Variants in PLA2G4E observed in about 807,000 individuals in gnomAD.
PLA2G4E encodes cytosolic phospholipase A2 epsilon.
PLA2G4E carries 84 observed loss-of-function variants against 109.1 expected under a neutral mutation model. The ratio of observed to expected loss-of-function variants is 0.77; its 90% CI spans 0.65 to 0.92. The LOEUF is 0.92. Ranked by LOEUF, PLA2G4E falls within the 40% of genes least tolerant of loss-of-function variation. The pLI is 0.00. For missense variants in PLA2G4E, 1,057 were observed against 1,076.6 expected, an observed-to-expected ratio of 0.98 and a Z score of 0.25; for synonymous variants, 469 against 436.1, an observed-to-expected ratio of 1.08 and a Z score of -0.94.
At chr15:42,032,440 G>A (rs765770817) in intron 1 of PLA2G4E, among the ~76,000 whole-genome samples, 1 of 152,240 alleles carries the variant, frequency 6.6e-6, no homozygotes, top group Non-Finnish European at 1.5e-5. Flanking sequence ...AGGGGCATGA[G>A]CAGGAGATGC....
At chr15:42,036,160 G>A (rs1384091446) in intron 1 of PLA2G4E, among the ~76,000 whole-genome samples, 4 of 152,204 alleles carry the variant, frequency 2.6e-5, no homozygotes, top group Admixed American at 2.0e-4. Context: ...CATCTGGAGC[G>A]GCCGCTGCCA....
At chr15:41,997,196 C>G (rs1222409613) in exon 11 of PLA2G4E, 1 of 1,555,332 alleles carries the variant, frequency 6.4e-7, no homozygotes, top group Admixed American at 1.9e-5. Context: ...CCTTCCGCTT[C>G]TGCAGAAACT....
intron 1 of PLA2G4E, among the ~76,000 whole-genome samples, chr15:42,027,543 CT>C (rs1415267422): frequency 6.6e-6 from 1 of 152,192 alleles, no homozygotes; most frequent in Non-Finnish European, 1.5e-5. Flanking sequence ...CTACTTTTGC[CT>C]TCCTATAAGC....
intron 12 of PLA2G4E, among the ~76,000 whole-genome samples, chr15:41,993,634 C>T (rs1201889238): frequency 2.0e-5 from 3 of 152,114 alleles, no homozygotes; most frequent in Non-Finnish European, 4.4e-5. Flanking sequence ...CTCTTCTTGG[C>T]CTGGATCCAG....
exon 19 of PLA2G4E, chr15:41,984,502 G>A: frequency 6.2e-7 from 1 of 1,613,986 alleles, no homozygotes; most frequent in East Asian, 2.2e-5. Flanking sequence ...GGGGCATCGG[G>A]TTCCTGGGGG....
intron 1 of PLA2G4E, among the ~76,000 whole-genome samples, chr15:42,017,230 C>T (rs2068603944): frequency 6.6e-6 from 1 of 152,172 alleles, no homozygotes; most frequent in Admixed American, 6.5e-5. Flanking sequence ...TGCCTGTGGC[C>T]CAGCCTGCCT....
At chr15:42,027,801 T>C (rs2068705140) in intron 1 of PLA2G4E, among the ~76,000 whole-genome samples, 1 of 150,486 alleles carries the variant, frequency 6.6e-6, no homozygotes, top group South Asian at 2.1e-4. Flanking sequence ...CCGCACTCTG[T>C]TTATAGCTGC....
chr15:42,015,930 A>C (rs1279393948), intron 1 of PLA2G4E, among the ~76,000 whole-genome samples: 4 of 152,102 alleles, frequency 2.6e-5, no homozygotes, highest in Non-Finnish European at 5.9e-5. Flanking sequence ...GGAACTCATG[A>C]CTTGAAGCCC....
At chr15:41,989,685 A>T in intron 14 of PLA2G4E, 133 bp from the exon 15 acceptor site, 1 of 1,240,700 alleles carries the variant, frequency 8.1e-7, no homozygotes, top group Non-Finnish European at 1.1e-6. Flanking sequence ...AGTTCCCCCA[A>T]AGGACACATG....
chr15:42,009,567 C>T (rs750348972), intron 2 of PLA2G4E, among the ~76,000 whole-genome samples: 6 of 152,192 alleles, frequency 3.9e-5, no homozygotes, highest in Non-Finnish European at 7.4e-5. Flanking sequence ...AGTGGCTGAC[C>T]CTGCTCACTT....
chr15:42,028,373 T>G (rs2068710574), intron 1 of PLA2G4E, among the ~76,000 whole-genome samples: 1 of 111,808 alleles, frequency 8.9e-6, no homozygotes, highest in African/African-American at 2.9e-5. Context: ...TTTATTTTAT[T>G]TATTTATTTA....
At chr15:41,988,215 A>T in intron 15 of PLA2G4E, 59 bp from the exon 16 acceptor site, 1 of 1,284,756 alleles carries the variant, frequency 7.8e-7, no homozygotes, top group South Asian at 1.3e-5. Context: ...CCACACTGAC[A>T]TTTGATTCCC....
In PLA2G4E at chr15:41,999,927, G is replaced by A. The variant is rs1239491067; in HGVS notation, c.926C>T (p.Thr309Ile). 2 of 1,609,632 alleles carry A rather than the reference G, an allele frequency of 1.2e-6. No homozygotes were observed. The highest frequency in any genetic ancestry group is 1.3e-5 in the African/African-American group (1 of 74,828). Residue 309 changes from threonine (T) to isoleucine (I), a missense_variant, in exon 9 of 20, where the codon ACC becomes ATC. Transcript: ENST00000399518. ...GACTCAGGCACTCACCACAGGCAGG[G>A]TCATCACCTGACCATCGGAAAGGCA...
At chr15:41,983,076 C>T (rs757566298) in exon 20 of PLA2G4E, 1 of 152,344 alleles carries the variant, frequency 6.6e-6, no homozygotes, top group African/African-American at 2.4e-5. Flanking sequence ...CACCTGAGGT[C>T]AGGAGTTCCA....
chr15:42,008,443 AGCCAG>A, intron 2 of PLA2G4E, among the ~76,000 whole-genome samples: 1 of 152,334 alleles, frequency 6.6e-6, no homozygotes, highest in East Asian at 1.9e-4. Flanking sequence ...CACTGCATCC[AGCCAG>A]GCTCTTCTTA....
intron 1 of PLA2G4E, among the ~76,000 whole-genome samples, chr15:42,042,784 A>G (rs1023883259): frequency 1.3e-5 from 2 of 152,178 alleles, no homozygotes; most frequent in Non-Finnish European, 2.9e-5. Context: ...TGGGTGAAAC[A>G]TCCACTCATT....
At chr15:41,984,565 A>G (rs759676205) in exon 19 of PLA2G4E, 5 of 1,613,870 alleles carry the variant, frequency 3.1e-6, no homozygotes, top group Non-Finnish European at 4.2e-6. Context: ...GGCAGCTCGT[A>G]TTTGGGGAAG....
At chr15:42,017,676 C>T (rs1250373196) in intron 1 of PLA2G4E, among the ~76,000 whole-genome samples, 1 of 152,130 alleles carries the variant, frequency 6.6e-6, no homozygotes, top group African/African-American at 2.4e-5. Context: ...TCTCCTCTTC[C>T]TTGCTTTTCT....
rs1595566491 is a variant in PLA2G4E at position 42,006,221 on chromosome 15, G to C, written c.394-100C>G. ...TCTGTCCTAGCAAGGAGGTAGGTCT[G>C]GGGGATGGGAGACAGCCCAGAAGTC... On this transcript the variant is annotated intron_variant, in intron 3 of 19. Transcript: ENST00000399518. 11 of 1,473,482 alleles carry C rather than the reference G, an allele frequency of 7.5e-6. 1 individual carries two copies. The highest frequency in any genetic ancestry group is 5.5e-6 in the Non-Finnish European group (6 of 1,081,468). 91.3% of individuals were successfully genotyped at this position (1,473,482 alleles called of 1,614,324 possible).
Sources: allele counts gnomAD v4.1 joint callset (sites outside exome capture counted in the v4.1 genomes callset), GRCh38; gene constraint gnomAD v4.1.1; transcripts MANE v1.5; gene names NCBI Gene and HGNC (gene_info 2026-07-23, HGNC 2026-07-21).